PTPRG: variants seen among roughly 807,000 people sequenced by gnomAD.
PTPRG encodes the protein receptor-type tyrosine-protein phosphatase gamma.
In PTPRG, 102 loss-of-function variants were observed where a neutral mutation model predicts 165.3. The ratio of observed to expected loss-of-function variants is 0.62; its 90% CI spans 0.53 to 0.73. The LOEUF (loss-of-function observed/expected upper bound fraction) is 0.73. Ranked by LOEUF, PTPRG falls within the 30% of genes least tolerant of loss-of-function variation. The pLI, the probability that PTPRG is intolerant of heterozygous loss-of-function variation, is 0.00. For synonymous variants in PTPRG, 675 were observed against 669.5 expected (o/e 1.01, Z -0.13); for missense variants, 1,866 against 1,861.4 (o/e 1.00, Z -0.05).
rs78530912 is a variant in PTPRG, at chr3:62,075,762, G to A, written c.520-2401G>A. Among the ~76,000 whole-genome samples the A allele has an allele frequency of 2.6e-5, 4 of 152,192 alleles. No homozygotes were observed. In the East Asian group the frequency reaches 5.8e-4, roughly 22 times the overall value. ...TCCTTCTGGGACTTTATTGTTCACC[G>A]TCAAATCTCTAAATCTCTCTGGGGT... On this transcript the variant is annotated intron_variant, in intron 4 of 29. Coordinates refer to ENST00000474889, the MANE Select transcript of PTPRG (RefSeq NM_002841.4).
Position 61,562,051 on chromosome 3 carries a change from C to T in PTPRG, c.-237C>T, listed in dbSNP as rs1256450490. 2 of 533,926 alleles carry T rather than the reference C, an allele frequency of 3.7e-6. No individual in the cohort carries two copies. The highest frequency in any genetic ancestry group is 6.7e-6 in the Non-Finnish European group (2 of 299,276). The allele number at this position is 533,926 out of a possible 1,614,324, so 33.1% of individuals were successfully genotyped here. A position where few individuals can be genotyped will look rare whatever the true frequency, so the allele number is the denominator to read the frequency against. ...TTTTTAAACGGAAAGCAGCCTTTCT[C>T]CGCCGAGAGGATCGTCCCCAGCGTG... On this transcript the variant is annotated 5_prime_UTR_variant, in exon 1 of 30. Coordinates refer to ENST00000474889, the MANE Select transcript of PTPRG (RefSeq NM_002841.4).
At chr3:61,746,309 C>G (rs2033204507) in intron 1 of PTPRG, among the ~76,000 whole-genome samples, 1 of 150,170 alleles carries the variant, frequency 6.7e-6, no homozygotes, top group Non-Finnish European at 1.5e-5. Flanking sequence ...AGCCCCGCCT[C>G]CCAGGTTCAC....
intron 4 of PTPRG, among the ~76,000 whole-genome samples, chr3:62,028,022 GC>G (rs1205993483): frequency 1.3e-5 from 2 of 152,144 alleles, no homozygotes; most frequent in African/African-American, 4.8e-5. Flanking sequence ...AGCCCAGCCT[GC>G]ATTTAAGGCT....
At chr3:62,192,558 G>A (rs1406246045) in intron 9 of PTPRG, among the ~76,000 whole-genome samples, 2 of 151,634 alleles carry the variant, frequency 1.3e-5, no homozygotes, top group African/African-American at 2.4e-5. Context: ...ACATGCATCC[G>A]CCACCATGCC....
chr3:61,883,188 A>G (rs1385305014), intron 2 of PTPRG, among the ~76,000 whole-genome samples: 2 of 152,200 alleles, frequency 1.3e-5, no homozygotes, highest in East Asian at 1.9e-4. Flanking sequence ...TATCTTTACA[A>G]TGTAACTTGA....
At chr3:61,994,694 G>A (rs2040978046) in intron 3 of PTPRG, among the ~76,000 whole-genome samples, 1 of 152,170 alleles carries the variant, frequency 6.6e-6, no homozygotes, top group African/African-American at 2.4e-5. Flanking sequence ...AGCACACAGA[G>A]GCAAGCTAAA....
At chr3:61,709,166 A>G (rs892012625) in intron 1 of PTPRG, among the ~76,000 whole-genome samples, 2 of 152,174 alleles carry the variant, frequency 1.3e-5, no homozygotes, top group African/African-American at 4.8e-5. Context: ...ACTGAGGTAG[A>G]GCTTGCCTAC....
At chr3:61,608,092 C>T (rs1701063674) in intron 1 of PTPRG, among the ~76,000 whole-genome samples, 1 of 152,000 alleles carries the variant, frequency 6.6e-6, no homozygotes, top group Non-Finnish European at 1.5e-5. Context: ...CTGTGGGTGG[C>T]CAGTTTTGAT....
chr3:61,609,392 G>A (rs1701103917), intron 1 of PTPRG, among the ~76,000 whole-genome samples: 1 of 152,162 alleles, frequency 6.6e-6, no homozygotes, highest in Non-Finnish European at 1.5e-5. Flanking sequence ...TGATTTTTCT[G>A]GTGGAGTTTT....
At chr3:61,932,876 C>T (rs2039394878) in intron 2 of PTPRG, among the ~76,000 whole-genome samples, 1 of 152,182 alleles carries the variant, frequency 6.6e-6, no homozygotes, top group African/African-American at 2.4e-5. Flanking sequence ...TCATGGGAGG[C>T]AGGCAGTGCC....
intron 4 of PTPRG, among the ~76,000 whole-genome samples, chr3:62,057,314 A>C (rs1700665328): frequency 6.6e-6 from 1 of 152,112 alleles, no homozygotes; most frequent in African/African-American, 2.4e-5. Flanking sequence ...AGACTTACCC[A>C]CATCCATCCT....
intron 2 of PTPRG, among the ~76,000 whole-genome samples, chr3:61,907,640 G>A (rs2038688301): frequency 6.6e-6 from 1 of 152,200 alleles, no homozygotes; most frequent in South Asian, 2.1e-4. Context: ...GCAAAATGCA[G>A]ACAAAAGTTC....
At chr3:61,862,995 G>A (rs1469843915) in intron 2 of PTPRG, among the ~76,000 whole-genome samples, 2 of 152,188 alleles carry the variant, frequency 1.3e-5, no homozygotes, top group Non-Finnish European at 2.9e-5. Flanking sequence ...TCTCATCTAG[G>A]TTTAACAGTC....
At chr3:61,919,853 C>G (rs28575541) in intron 2 of PTPRG, among the ~76,000 whole-genome samples, 50 of 152,202 alleles carry the variant, frequency 3.3e-4, no homozygotes, top group East Asian at 1.7e-3. Flanking sequence ...AGCTAAGAAG[C>G]CTGTCCTTAC....
At position 61,989,791 on chromosome 3, in the gene PTPRG, C is replaced by T. The variant is rs370416021; in HGVS notation, c.357C>T (p.Asn119=). ...CTTCTAACAAAACCTGGATGAAAAA[C>T]ACAGGGAAAACAGGTAGACAATGGC... The part of the protein sequence containing the change: ...NESSNKTWMK[N]TGKTVAILLK... Residue 119 remains asparagine (N), a synonymous_variant, in exon 3 of 30, where the codon AAC becomes AAT. Transcript: ENST00000474889. 1 of 1,613,950 alleles carries T rather than the reference C, an allele frequency of 6.2e-7. No homozygotes were observed. Among genetic ancestry groups the T allele is most frequent in the Non-Finnish European group, 8.5e-7 (1 of 1,179,928 alleles).
intron 2 of PTPRG, among the ~76,000 whole-genome samples, chr3:61,845,832 C>T (rs980604021): frequency 2.6e-5 from 4 of 151,658 alleles, no homozygotes; most frequent in African/African-American, 9.7e-5. Flanking sequence ...GAAATCCCAG[C>T]ATTTTGTGAG....
intron 2 of PTPRG, among the ~76,000 whole-genome samples, chr3:61,826,062 T>C (rs1405118241): frequency 1.3e-5 from 2 of 152,234 alleles, no homozygotes; most frequent in African/African-American, 4.8e-5. Context: ...TGCTCAAATA[T>C]CCTTAACTCT....
chr3:62,150,762 A>C (rs1011452340), intron 6 of PTPRG, among the ~76,000 whole-genome samples: 1 of 152,174 alleles, frequency 6.6e-6, no homozygotes, highest in Non-Finnish European at 1.5e-5. Flanking sequence ...TCCTAAAATT[A>C]ATTGGTCCTT....
In PTPRG at chr3:62,229,376, C is replaced by CTGT. The variant is rs1020046849; in HGVS notation, c.2289-1848_2289-1846dup. Among the ~76,000 whole-genome samples, 4 of 152,194 alleles carry CTGT rather than the reference C, an allele frequency of 2.6e-5. No homozygotes were observed. The highest frequency in any genetic ancestry group is 7.2e-5 in the African/African-American group (3 of 41,454). On this transcript the variant is annotated intron_variant, in intron 13 of 29. Transcript: ENST00000474889. This position sits in a 1 kb window ranked among gnomAD's most constrained non-coding sequence, Gnocchi z 4.6. The stretch of plus-strand genomic sequence containing the variant: ...AGGGGCCTTTCAGAATTCACGAGAG[C>CTGT]TGTCAGTTGTTATAGTAACCGGCCC...
Sources: gnomAD v4.1 joint callset for allele counts (sites outside exome capture counted in the v4.1 genomes callset) on GRCh38, gnomAD v4.1.1 for gene constraint, Gnocchi (gnomAD v3.1) non-coding constraint, MANE v1.5 for transcripts, NCBI Gene and HGNC (gene_info 2026-07-23, HGNC 2026-07-21) for gene names.